Variants in KAZN observed in about 807,000 individuals in gnomAD.
The protein encoded by KAZN is kazrin.
Under a neutral mutation model 87.4 loss-of-function variants are expected in KAZN, and 40 were observed. The ratio of observed to expected loss-of-function variants is 0.46; its 90% confidence interval spans 0.36 to 0.60. The LOEUF (loss-of-function observed/expected upper bound fraction) is 0.60, where lower values mean the gene tolerates loss of function less well. Among genes scored for constraint, KAZN ranks in the 20% least tolerant of loss-of-function variants. The probability of loss-of-function intolerance (pLI) is 0.00; values close to 1 mark genes in which losing one functional copy is unlikely to be tolerated. For missense variants in KAZN, 898 were observed against 1,073.9 expected (o/e 0.84, Z 2.29); for synonymous variants, 466 against 458.3 (o/e 1.02, Z -0.22).
intron 11 of KAZN, among the ~76,000 whole-genome samples, chr1:15,102,612 A>G (rs1469565116): frequency 6.6e-6 from 1 of 152,152 alleles, no homozygotes; most frequent in Non-Finnish European, 1.5e-5. Context: ...GGGACAGAAG[A>G]GGGGGCCATC....
chr1:14,662,745 G>A (rs981942620), intron 1 of KAZN, among the ~76,000 whole-genome samples: 1 of 150,968 alleles, frequency 6.6e-6, no homozygotes, highest in African/African-American at 2.4e-5. Context: ...GGGAAGGGAG[G>A]GAGGCAATTC....
chr1:14,384,376 G>C (rs1454037226), intron 2 of KAZN, among the ~76,000 whole-genome samples: 1 of 152,130 alleles, frequency 6.6e-6, no homozygotes, highest in African/African-American at 2.4e-5. Context: ...GTGAGAGGGG[G>C]CATTCCTGTC....
intron 2 of KAZN, among the ~76,000 whole-genome samples, chr1:14,517,978 G>A (rs1228212525): frequency 6.6e-6 from 1 of 152,178 alleles, no homozygotes; most frequent in Admixed American, 6.6e-5. Context: ...AGCACCTACT[G>A]TCTGTTTCAG....
At chr1:14,052,547 A>C (rs372171272) in intron 1 of KAZN, among the ~76,000 whole-genome samples, 1 of 152,060 alleles carries the variant, frequency 6.6e-6, no homozygotes, top group South Asian at 2.1e-4. Context: ...GAAAAAAAAA[A>C]AAACAAGAGA....
chr1:14,305,774 C>T (rs1192151302), intron 2 of KAZN, among the ~76,000 whole-genome samples: 1 of 151,934 alleles, frequency 6.6e-6, no homozygotes, highest in Non-Finnish European at 1.5e-5. Context: ...CTGTTTTTAA[C>T]AGGCTTATAA....
At chr1:14,449,123 G>A (rs72645933) in intron 2 of KAZN, among the ~76,000 whole-genome samples, 2,193 of 152,304 alleles carry the variant, frequency 0.014, 26 homozygotes, top group Non-Finnish European at 0.021. Context: ...AACCAAAAGG[G>A]ACTGATTAGC....
chr1:14,024,446 G>A (rs1178071407), intron 1 of KAZN, among the ~76,000 whole-genome samples: 7 of 152,210 alleles, frequency 4.6e-5, no homozygotes, highest in Admixed American at 1.3e-4. Context: ...GTTCCTTAGT[G>A]GCAGTCAGGC....
chr1:14,761,209 G>A (rs1644729767), intron 1 of KAZN, among the ~76,000 whole-genome samples: 1 of 152,054 alleles, frequency 6.6e-6, no homozygotes, highest in Non-Finnish European at 1.5e-5. Flanking sequence ...CCCTCTGTCT[G>A]GGTCCAGGAA....
chr1:15,105,819 G>T (rs369317128), intron 13 of KAZN, among the ~76,000 whole-genome samples: 9 of 152,184 alleles, frequency 5.9e-5, no homozygotes, highest in African/African-American at 2.2e-4. Context: ...TGTTCTCAAA[G>T]TGAGGCCCAC....
chr1:15,078,727 C>T (rs532527117), intron 8 of KAZN, among the ~76,000 whole-genome samples: 10 of 152,262 alleles, frequency 6.6e-5, no homozygotes, highest in South Asian at 2.1e-4. Context: ...GTCTGCAGCG[C>T]GCATGCTGTT....
chr1:14,529,583 A>G (rs2148478264), intron 2 of KAZN, among the ~76,000 whole-genome samples: 1 of 152,310 alleles, frequency 6.6e-6, no homozygotes, highest in Non-Finnish European at 1.5e-5. Flanking sequence ...TCTTGAAGCC[A>G]GTGTGGAGAG....
At chr1:14,744,989 C>T (rs1290727281) in intron 1 of KAZN, among the ~76,000 whole-genome samples, 1 of 152,082 alleles carries the variant, frequency 6.6e-6, no homozygotes, top group Non-Finnish European at 1.5e-5. Context: ...CTGGAGCTAC[C>T]CATGGGCAGT....
chr1:14,138,836 G>T (rs781133527), intron 1 of KAZN, among the ~76,000 whole-genome samples: 48 of 152,162 alleles, frequency 3.2e-4, no homozygotes, highest in Non-Finnish European at 5.3e-4. Flanking sequence ...GCTAACAGAT[G>T]GTTCTGTGTT....
chr1:14,070,545 C>A (rs1379973785), intron 1 of KAZN, among the ~76,000 whole-genome samples: 1 of 151,348 alleles, frequency 6.6e-6, no homozygotes, highest in African/African-American at 2.5e-5. Flanking sequence ...TGCTTCTTTC[C>A]CATCCCACTG....
chr1:14,362,560 G>T (rs1231213235), intron 2 of KAZN, among the ~76,000 whole-genome samples: 1 of 152,172 alleles, frequency 6.6e-6, no homozygotes, highest in African/African-American at 2.4e-5. Flanking sequence ...GAATCACAGG[G>T]CTGCTTAAGA....
chr1:14,139,190 T>TATG (rs1645178592), intron 1 of KAZN, among the ~76,000 whole-genome samples: 1 of 152,196 alleles, frequency 6.6e-6, no homozygotes, highest in African/African-American at 2.4e-5. Context: ...TCCTGGACAG[T>TATG]GGCCACTCCT....
chr1:14,690,697 A>G (rs1387280026), intron 1 of KAZN, among the ~76,000 whole-genome samples: 2 of 152,194 alleles, frequency 1.3e-5, no homozygotes, highest in African/African-American at 4.8e-5. Context: ...TCAGACCACT[A>G]TTGTATGCCA....
chr1:14,348,950 G>T (rs754822236), intron 2 of KAZN: 4 of 152,228 alleles, frequency 2.6e-5, no homozygotes, highest in Non-Finnish European at 5.9e-5. Flanking sequence ...GATCAGGGTT[G>T]GTTATGCGGA....
intron 2 of KAZN, among the ~76,000 whole-genome samples, chr1:14,504,570 G>A (rs10733135): frequency 0.78 from 118,485 of 152,064 alleles, 46,426 homozygotes; most frequent in South Asian, 0.84. Flanking sequence ...TCTGCTACTC[G>A]AGGGGAGATG....
Sources: allele counts gnomAD v4.1 joint callset (sites outside exome capture counted in the v4.1 genomes callset), GRCh38; gene constraint gnomAD v4.1.1; transcripts MANE v1.5; gene names NCBI Gene and HGNC (gene_info 2026-07-23, HGNC 2026-07-21).